The following NELL2 variants were observed in gnomAD, a reference collection of about 807,000 sequenced individuals.
NELL2 encodes the protein protein kinase C-binding protein NELL2.
Under a neutral mutation model 109.6 loss-of-function variants are expected in NELL2, and 41 were observed. The ratio of observed to expected loss-of-function variants is 0.37; its 90% CI spans 0.29 to 0.49. The LOEUF (loss-of-function observed/expected upper bound fraction) is 0.49. Among genes scored for constraint, NELL2 ranks in the 20% least tolerant of loss-of-function variants. The pLI, the probability that NELL2 is intolerant of heterozygous loss-of-function variation, is 0.98. For synonymous variants in NELL2, 355 were observed against 344.7 expected (o/e 1.03, Z -0.33); for missense variants, 900 against 1,008.3 (o/e 0.89, Z 1.45).
chr12:44,584,374 T>A (rs1451689413), intron 15 of NELL2, among the ~76,000 whole-genome samples: 1 of 152,142 alleles, frequency 6.6e-6, no homozygotes, highest in East Asian at 1.9e-4. Context: ...TGATGGAGAT[T>A]TTTTAAAGAT....
chr12:44,540,450 G>A (rs2139028759), intron 15 of NELL2, among the ~76,000 whole-genome samples: 1 of 152,156 alleles, frequency 6.6e-6, no homozygotes, highest in Non-Finnish European at 1.5e-5. Flanking sequence ...TGGCTAATGG[G>A]GGTAGTTTGA....
intron 3 of NELL2, among the ~76,000 whole-genome samples, chr12:44,807,524 T>C (rs771208974): frequency 2.6e-5 from 4 of 151,872 alleles, no homozygotes; most frequent in Admixed American, 6.6e-5. Context: ...TAGACGTCAA[T>C]GTTTTAAAAA....
chr12:44,540,949 G>T (rs1423482312), intron 15 of NELL2, among the ~76,000 whole-genome samples: 3 of 151,788 alleles, frequency 2.0e-5, no homozygotes, highest in African/African-American at 7.3e-5. Context: ...GAACCTGAAA[G>T]AAATAGAGAT....
chr12:44,813,193 T>C (rs771635487), intron 3 of NELL2, among the ~76,000 whole-genome samples: 1 of 152,200 alleles, frequency 6.6e-6, no homozygotes. Flanking sequence ...GTCTACACTC[T>C]TAATCACTCT....
chr12:44,667,455 A>T lies in NELL2; in HGVS notation c.1319-1846T>A, dbSNP rs572732407. On this transcript the variant is annotated intron_variant, in intron 12 of 19. Transcript: ENST00000429094. ...CAACACGTAAATTAATGAACTTGGC[A>T]GTGTTGGAATAAAAGTTCATTTACA... Among the ~76,000 whole-genome samples the T allele has an allele frequency of 3.3e-5, 5 of 152,334 alleles. No homozygotes were observed. The South Asian group carries it at 1.0e-3, about 32-fold the overall frequency.
intron 11 of NELL2, among the ~76,000 whole-genome samples, chr12:44,708,795 C>T (rs1293836923): frequency 6.6e-6 from 1 of 152,054 alleles, no homozygotes; most frequent in East Asian, 1.9e-4. Flanking sequence ...ATAGTAATGC[C>T]AAGGCCCCAC....
chr12:44,663,209 T>C lies in NELL2; in HGVS notation c.1444+2275A>G, dbSNP rs557053226. Among the ~76,000 whole-genome samples the C allele has an allele frequency of 5.3e-5, 8 of 152,234 alleles. No homozygotes were observed. In the South Asian group the frequency reaches 1.4e-3, roughly 28 times the overall value. On this transcript the variant is annotated intron_variant, in intron 13 of 19. Coordinates refer to ENST00000429094, the MANE Select transcript of NELL2 (RefSeq NM_001145108.2). ...ATAAAATGAAAACATGTATTTTCTT[T>C]ACAGAAACCTGGAATATGTGTTGAC...
intron 1 of NELL2, among the ~76,000 whole-genome samples, chr12:44,882,621 G>C (rs983243167): frequency 1.3e-5 from 2 of 151,424 alleles, no homozygotes; most frequent in Non-Finnish European, 2.9e-5. Flanking sequence ...TCCACCTCCC[G>C]AGTTCGAGCA....
upstream of NELL2, among the ~76,000 whole-genome samples, chr12:44,914,309 C>T (rs144668565): frequency 6.6e-6 from 1 of 152,132 alleles, no homozygotes; most frequent in African/African-American, 2.4e-5. Flanking sequence ...CAGTCTCCCC[C>T]GTATCCTTAC....
intron 9 of NELL2, among the ~76,000 whole-genome samples, chr12:44,757,703 A>G (rs1034748204): frequency 1.3e-5 from 2 of 152,202 alleles, no homozygotes; most frequent in Non-Finnish European, 2.9e-5. Flanking sequence ...AAAATTCTGC[A>G]TATTTTGTAC....
chr12:44,768,543 G>A (rs900168104), intron 9 of NELL2, among the ~76,000 whole-genome samples: 1 of 152,020 alleles, frequency 6.6e-6, no homozygotes, highest in South Asian at 2.1e-4. Context: ...TTTATTCAAT[G>A]TTATTTCAAA....
intron 2 of NELL2, among the ~76,000 whole-genome samples, chr12:44,869,514 A>G (rs140593227): frequency 8.1e-4 from 124 of 152,274 alleles, no homozygotes; most frequent in African/African-American, 2.9e-3. Context: ...CTTTCAGGCC[A>G]CACCAGCAGC....
chr12:44,712,151 T>G (rs953751865), intron 10 of NELL2, among the ~76,000 whole-genome samples: 4 of 152,080 alleles, frequency 2.6e-5, no homozygotes, highest in African/African-American at 9.7e-5. Flanking sequence ...TTAACTATGT[T>G]ATATTATGCT....
chr12:44,685,128 A>C (rs1205853932), intron 12 of NELL2, among the ~76,000 whole-genome samples: 1 of 152,126 alleles, frequency 6.6e-6, no homozygotes, highest in Non-Finnish European at 1.5e-5. Context: ...TATATTTAGG[A>C]TAGTTAGTTC....
At chr12:44,721,830 CAA>C (rs1361658782) in intron 9 of NELL2, among the ~76,000 whole-genome samples, 2 of 152,010 alleles carry the variant, frequency 1.3e-5, no homozygotes, top group African/African-American at 4.8e-5. Context: ...GCAGGTAAAA[CAA>C]AAGAGGTAAC....
At chr12:44,602,330 GA>G (rs919757544) in intron 15 of NELL2, among the ~76,000 whole-genome samples, 40 of 152,126 alleles carry the variant, frequency 2.6e-4, no homozygotes, top group African/African-American at 8.9e-4. Context: ...ATCTACCCAA[GA>G]GCTACTTTGC....
At chr12:44,614,698 C>CT (rs1945754908) in intron 13 of NELL2, among the ~76,000 whole-genome samples, 4 of 152,034 alleles carry the variant, frequency 2.6e-5, no homozygotes, top group African/African-American at 7.2e-5. Flanking sequence ...CCAACAGTGT[C>CT]ATCAGTCATA....
chr12:44,795,670 C>T (rs1942593353), intron 3 of NELL2, among the ~76,000 whole-genome samples: 1 of 152,150 alleles, frequency 6.6e-6, no homozygotes, highest in East Asian at 1.9e-4. Flanking sequence ...TTAATCCACT[C>T]TAGTGGATTA....
intron 16 of NELL2, among the ~76,000 whole-genome samples, chr12:44,528,085 G>A (rs544509450): frequency 1.0e-4 from 10 of 100,352 alleles, no homozygotes; most frequent in South Asian, 3.5e-4. Flanking sequence ...GCGACAGAGC[G>A]AGACTCCGTC....
Sources: gnomAD v4.1 joint callset for allele counts (sites outside exome capture counted in the v4.1 genomes callset) on GRCh38, gnomAD v4.1.1 for gene constraint, MANE v1.5 for transcripts, NCBI Gene and HGNC (gene_info 2026-07-23, HGNC 2026-07-21) for gene names.